The following PCDHGA1 variants were observed in gnomAD, a reference collection of about 807,000 sequenced individuals.
PCDHGA1 encodes protocadherin gamma subfamily A, 1, also known as protocadherin gamma-A1.
A neutral mutation model predicts 58.0 loss-of-function variants in PCDHGA1; 32 were observed. The observed-to-expected ratio is 0.55, with a 90% CI of 0.42 to 0.74. The LOEUF is 0.74. Ranked by LOEUF, PCDHGA1 falls within the 30% of genes least tolerant of loss-of-function variation. PCDHGA1 has a pLI of 0.00. For synonymous variants in PCDHGA1, 498 were observed against 501.1 expected, an observed-to-expected ratio of 0.99 and a Z score of 0.08; for missense variants, 1,205 against 1,182.3, an observed-to-expected ratio of 1.02 and a Z score of -0.28.
At chr5:141,405,118 G>C (rs368800698) in intron 1 of PCDHGA1, 2 of 1,613,946 alleles carry the variant, frequency 1.2e-6, no homozygotes, top group Non-Finnish European at 8.5e-7. Flanking sequence ...GGCACTCCTC[G>C]CATCTGCTGC....
intron 1 of PCDHGA1, chr5:141,441,694 G>A (rs1443778772): frequency 2.3e-5 from 7 of 301,140 alleles, no homozygotes; most frequent in Non-Finnish European, 2.6e-5. Context: ...GAGCAGCCGC[G>A]AGCCTTCAAG....
In PCDHGA1 at chr5:141,490,761, G is replaced by GTA. The variant is rs1380770489; in HGVS notation, c.2422-4044_2422-4043dup. The GTA allele has an allele frequency of 6.2e-7, 1 of 1,614,048 alleles. No individual in the cohort carries two copies. The highest frequency in any genetic ancestry group is 1.3e-5 in the African/African-American group (1 of 74,920). On this transcript the variant is annotated intron_variant, in intron 1 of 3. Coordinates refer to ENST00000517417, the MANE Select transcript of PCDHGA1 (RefSeq NM_018912.3). The surrounding 1 kb of genome is among the most constrained non-coding windows in gnomAD (Gnocchi z 5.4). ...AGGGAGCCCCAGCCTCCTCCTTTGT[G>GTA]TATGTCAACCCAGAGGATGGACGGA...
chr5:141,423,983 C>T, intron 1 of PCDHGA1: 5 of 1,107,052 alleles, frequency 4.5e-6, no homozygotes, highest in Non-Finnish European at 5.6e-6. Context: ...GTATGAGGCT[C>T]TCAATTTATT....
chr5:141,500,901 G>T (rs984072329), intron 2 of PCDHGA1, among the ~76,000 whole-genome samples: 1 of 144,582 alleles, frequency 6.9e-6, no homozygotes, highest in Non-Finnish European at 1.5e-5. Context: ...AGACAGTCTC[G>T]CTCTGTCTCC....
chr5:141,427,504 C>A (rs755936092), intron 1 of PCDHGA1: 8 of 579,302 alleles, frequency 1.4e-5, no homozygotes, highest in Middle Eastern at 2.7e-4. Context: ...ACAGATGGGA[C>A]CCTGGATTGG....
intron 1 of PCDHGA1, among the ~76,000 whole-genome samples, chr5:141,430,064 A>T (rs1482609618): frequency 6.6e-6 from 1 of 152,190 alleles, no homozygotes; most frequent in Non-Finnish European, 1.5e-5. Flanking sequence ...TATCATTTTT[A>T]GGTTTCCATA....
intron 1 of PCDHGA1, among the ~76,000 whole-genome samples, chr5:141,465,104 T>A (rs1044128193): frequency 1.3e-5 from 2 of 151,862 alleles, no homozygotes; most frequent in East Asian, 3.9e-4. Context: ...GTTTTTTTTT[T>A]AAGTGTTTTA....
chr5:141,508,139 G>C (rs1243018384), intron 3 of PCDHGA1: 1 of 152,514 alleles, frequency 6.6e-6, no homozygotes, highest in African/African-American at 2.4e-5. Flanking sequence ...CAGGGAGCTG[G>C]GGGCTGAGTT....
intron 1 of PCDHGA1, chr5:141,340,660 G>A (rs1334155865): frequency 2.5e-6 from 4 of 1,614,104 alleles, no homozygotes; most frequent in African/African-American, 2.7e-5. Context: ...CCGAGATCCT[G>A]TACCCTGCCT....
At chr5:141,352,896 G>A (rs1463239890) in intron 1 of PCDHGA1, among the ~76,000 whole-genome samples, 5 of 152,206 alleles carry the variant, frequency 3.3e-5, no homozygotes, top group Non-Finnish European at 7.3e-5. Context: ...GCTGAGACAG[G>A]AGGATCGCTT....
chr5:141,340,228 C>T (rs779808377), intron 1 of PCDHGA1: 18 of 1,614,190 alleles, frequency 1.1e-5, no homozygotes, highest in South Asian at 2.2e-5. Context: ...CCTTTTACAA[C>T]ATCACTCTAA....
At position 141,404,344 on chromosome 5, in the gene PCDHGA1, C is replaced by T. The variant is rs755599341; in HGVS notation, c.2421+71239C>T. 1.1e-5 allele frequency: 18 copies of T among 1,613,954 alleles called. No homozygotes were observed. In the East Asian group the frequency reaches 3.8e-4, roughly 34 times the overall value. ...CCTACTCAGTCTACCTCCCGGAAAA[C>T]AACGCCAGAGGTACTTCCATCTTCT... On this transcript the variant is annotated intron_variant, in intron 1 of 3. Coordinates refer to ENST00000517417, the MANE Select transcript of PCDHGA1 (RefSeq NM_018912.3).
intron 1 of PCDHGA1, among the ~76,000 whole-genome samples, chr5:141,466,358 A>G (rs1210013683): frequency 6.6e-6 from 1 of 152,066 alleles, no homozygotes; most frequent in Admixed American, 6.5e-5. Flanking sequence ...GCTAATCTAG[A>G]TGTAATGGTT....
chr5:141,420,974 T>C, intron 1 of PCDHGA1: 1 of 460,696 alleles, frequency 2.2e-6, no homozygotes, highest in Non-Finnish European at 3.8e-6. Flanking sequence ...ATAATAAGAA[T>C]GGGCTCTAGG....
intron 1 of PCDHGA1, chr5:141,395,894 C>G (rs768471284): frequency 1.3e-5 from 2 of 152,020 alleles, no homozygotes; most frequent in Non-Finnish European, 2.9e-5. Flanking sequence ...CACCTGGGCT[C>G]CATGCCCATG....
chr5:141,502,446 C>T (rs541278139), intron 2 of PCDHGA1, among the ~76,000 whole-genome samples: 1 of 152,098 alleles, frequency 6.6e-6, no homozygotes, highest in South Asian at 2.1e-4. Context: ...ATTCAGATTA[C>T]ACACCTTGGT....
At position 141,357,427 on chromosome 5, in the gene PCDHGA1, G is replaced by A. The variant is rs746353389; in HGVS notation, c.2421+24322G>A. The A allele has an allele frequency of 6.8e-6, 11 of 1,614,110 alleles. No homozygotes were observed. Among genetic ancestry groups the A allele is most frequent in the East Asian group, 2.2e-5 (1 of 44,884 alleles). On this transcript the variant is annotated intron_variant, in intron 1 of 3. Transcript: ENST00000517417. ...TGTGCCTGCCTCGCACTTTGTGGGCGTGGACGGGGTTCGGGCTTTCCTGCA... is the reference window on the plus strand; with the variant it reads ...TGTGCCTGCCTCGCACTTTGTGGGCATGGACGGGGTTCGGGCTTTCCTGCA...
intron 1 of PCDHGA1, chr5:141,479,646 A>G (rs2099501987): frequency 6.6e-6 from 1 of 152,256 alleles, no homozygotes; most frequent in Admixed American, 6.5e-5. Context: ...CAACAACAAC[A>G]ACAACAATCC....
At chr5:141,387,557 G>A in intron 1 of PCDHGA1, 1 of 416,144 alleles carries the variant, frequency 2.4e-6, no homozygotes. Flanking sequence ...TTTCAGTTAG[G>A]CACACAATTA....
Sources: allele counts gnomAD v4.1 joint callset (sites outside exome capture counted in the v4.1 genomes callset), GRCh38; gene constraint gnomAD v4.1.1; non-coding constraint Gnocchi (gnomAD v3.1); transcripts MANE v1.5; gene names NCBI Gene and HGNC (gene_info 2026-07-23, HGNC 2026-07-21).